CCDC73: variants seen among roughly 807,000 people sequenced by gnomAD.
The protein encoded by CCDC73 is coiled-coil domain containing 73, also known as coiled-coil domain-containing protein 73.
CCDC73 carries 95 observed loss-of-function variants against 116.5 expected under a neutral mutation model. The ratio of observed to expected loss-of-function variants is 0.82; its 90% CI spans 0.69 to 0.97. The LOEUF (loss-of-function observed/expected upper bound fraction) is 0.97, where lower values mean the gene tolerates loss of function less well. Among genes scored for constraint, CCDC73 ranks in the 50% least tolerant of loss-of-function variants. The probability of loss-of-function intolerance (pLI) is 0.00; values close to 1 mark genes in which losing one functional copy is unlikely to be tolerated. For synonymous variants in CCDC73, 398 were observed against 401.3 expected, an observed-to-expected ratio of 0.99 and a Z score of 0.10; for missense variants, 1,066 against 1,206.8, an observed-to-expected ratio of 0.88 and a Z score of 1.73.
At chr11:32,774,333 C>T (rs1338663290) in intron 1 of CCDC73, among the ~76,000 whole-genome samples, 1 of 152,142 alleles carries the variant, frequency 6.6e-6, no homozygotes, top group Non-Finnish European at 1.5e-5. Flanking sequence ...AGTCACAATG[C>T]TCCTCTATTT....
the CCDC73 span, among the ~76,000 whole-genome samples, chr11:32,821,952 G>A: frequency 3.0e-4 from 46 of 152,262 alleles, no homozygotes; most frequent in East Asian, 1.2e-3. Context: ...GATGGGCAAC[G>A]GCAGTCATCA....
intron 2 of CCDC73, among the ~76,000 whole-genome samples, chr11:32,743,578 T>C (rs1850208576): frequency 6.6e-6 from 1 of 152,242 alleles, no homozygotes; most frequent in Non-Finnish European, 1.5e-5. Context: ...CCTCTCTTAT[T>C]TCCTTGAACA....
chr11:32,710,902 A>T (rs1849895061), intron 3 of CCDC73, among the ~76,000 whole-genome samples: 1 of 152,258 alleles, frequency 6.6e-6, no homozygotes, highest in Non-Finnish European at 1.5e-5. Flanking sequence ...GATTCTGCAC[A>T]GCAAAAGAAA....
chr11:32,773,779 CA>C (rs11448530), intron 1 of CCDC73, among the ~76,000 whole-genome samples: 76 of 144,452 alleles, frequency 5.3e-4, no homozygotes, highest in East Asian at 1.4e-3. Context: ...GATGCTGTCT[CA>C]AAAAAAAAAA....
intron 2 of CCDC73, among the ~76,000 whole-genome samples, chr11:32,739,715 G>C (rs533276413): frequency 6.6e-6 from 1 of 151,712 alleles, no homozygotes; most frequent in Non-Finnish European, 1.5e-5. Context: ...TCTAGCTAGG[G>C]CTTCCAGTAT....
chr11:32,758,593 A>G, intron 2 of CCDC73: 1 of 421,600 alleles, frequency 2.4e-6, no homozygotes, highest in Admixed American at 2.4e-5. Context: ...TGAAGGCACA[A>G]GCACAGAGTT....
the CCDC73 span, among the ~76,000 whole-genome samples, chr11:32,806,110 T>A: frequency 1.9e-4 from 29 of 152,224 alleles, no homozygotes; most frequent in Admixed American, 1.9e-3. Flanking sequence ...AAGATAATAA[T>A]GGGTTTAACT....
rs1234344322 is a variant in CCDC73, at chr11:32,746,911, T to C, written c.135+13198A>G. 2.6e-5 allele frequency among the ~76,000 whole-genome samples: 4 copies of C among 152,326 alleles called. No homozygotes were observed. In the East Asian group the frequency reaches 5.8e-4, roughly 22 times the overall value. Reference sequence around the variant, plus strand: ...GAGAAGTTTGTTATTACTGGCCTTCTGAAGCCTACTTCTGTCGACTTGTCA... The same window carrying C: ...GAGAAGTTTGTTATTACTGGCCTTCCGAAGCCTACTTCTGTCGACTTGTCA... On this transcript the variant is annotated intron_variant, in intron 2 of 17. Transcript: ENST00000335185.
chr11:32,708,906 T>C (rs1238572134), intron 3 of CCDC73, among the ~76,000 whole-genome samples: 1 of 130,586 alleles, frequency 7.7e-6, no homozygotes, highest in East Asian at 2.3e-4. Flanking sequence ...CCTTTCTTTC[T>C]TTTGTCTGAT....
chr11:32,654,956 G>A lies in CCDC73; in HGVS notation c.662C>T (p.Ala221Val). ...GACTTTGGACTTTATCAAGTCTGAGGCTGCTTTTTTTAGTTCCTTAATAAG... is the reference window on the plus strand; with the variant it reads ...GACTTTGGACTTTATCAAGTCTGAGACTGCTTTTTTTAGTTCCTTAATAAG... The part of the protein sequence containing the change: ...CSLKKELKKA[A>V]SDLIKSKVTC... The change falls in exon 10 of 18, where the codon GCC (alanine) becomes GTC (valine). Residue 221 changes from alanine (A) to valine (V), a missense_variant. Coordinates refer to ENST00000335185, the MANE Select transcript of CCDC73 (RefSeq NM_001008391.4). 2 of 1,591,678 alleles carry A rather than the reference G, an allele frequency of 1.3e-6. No homozygotes were observed. Among genetic ancestry groups the A allele is most frequent in the Non-Finnish European group, 1.7e-6 (2 of 1,174,332 alleles).
chr11:32,615,014 C>T (rs2133221948), intron 15 of CCDC73, 72 bp from the exon 16 acceptor site: 2 of 841,226 alleles, frequency 2.4e-6, no homozygotes, highest in Non-Finnish European at 3.6e-6. Context: ...ATATTTATCA[C>T]CTATTTTTAT....
intron 6 of CCDC73, among the ~76,000 whole-genome samples, chr11:32,689,180 T>G (rs1246800990): frequency 1.3e-5 from 2 of 152,102 alleles, no homozygotes; most frequent in African/African-American, 4.8e-5. Flanking sequence ...AAACCTAAAC[T>G]TGGAGTACAA....
chr11:32,797,542 T>C (rs1005432938), upstream of CCDC73, among the ~76,000 whole-genome samples: 1 of 152,204 alleles, frequency 6.6e-6, no homozygotes, highest in African/African-American at 2.4e-5. Flanking sequence ...CCCATCTAAG[T>C]AGAACTAATC....
At position 32,739,879 on chromosome 11, in the gene CCDC73, GTTT is replaced by G. The variant is rs1247534602; in HGVS notation, c.135+20227_135+20229del. ...CTCCTTTTATATCCAGTTTTTGAGGGTTTTTAATTATGAAGGGACGTTGAATTT... is the reference window on the plus strand; with the variant it reads ...CTCCTTTTATATCCAGTTTTTGAGGGTTAATTATGAAGGGACGTTGAATTT... On this transcript the variant is annotated intron_variant, in intron 2 of 17. Transcript: ENST00000335185. Among the ~76,000 whole-genome samples the G allele has an allele frequency of 2.6e-5, 4 of 151,122 alleles. 1 individual carries two copies. Among genetic ancestry groups the G allele is most frequent in the African/African-American group, 4.9e-5 (2 of 40,594 alleles).
chr11:32,822,569 G>A, the CCDC73 span, among the ~76,000 whole-genome samples: 2 of 152,258 alleles, frequency 1.3e-5, no homozygotes, highest in African/African-American at 2.4e-5. Flanking sequence ...GCATCTGCCA[G>A]GTCCTAAGGA....
chr11:32,628,455 A>G (rs1355050137), intron 14 of CCDC73, among the ~76,000 whole-genome samples: 8 of 152,200 alleles, frequency 5.3e-5, no homozygotes, highest in Non-Finnish European at 7.3e-5. Flanking sequence ...GTGAGTAGTA[A>G]AAGTCCATGA....
intron 1 of CCDC73, chr11:32,794,266 T>C (rs990485525): frequency 3.3e-5 from 5 of 152,060 alleles, no homozygotes; most frequent in Non-Finnish European, 4.4e-5. Flanking sequence ...AATATGAGGT[T>C]TAAAACAAAA....
intron 9 of CCDC73, among the ~76,000 whole-genome samples, chr11:32,673,787 C>T (rs962789922): frequency 6.6e-6 from 1 of 152,056 alleles, no homozygotes; most frequent in South Asian, 2.1e-4. Context: ...CAAAGGTGCA[C>T]GAAGGATATA....
At chr11:32,645,659 A>G (rs1398825959) in intron 12 of CCDC73, among the ~76,000 whole-genome samples, 1 of 152,186 alleles carries the variant, frequency 6.6e-6, no homozygotes, top group Non-Finnish European at 1.5e-5. Flanking sequence ...ATAAATACAT[A>G]AACTGGTAAC....
Sources: allele counts gnomAD v4.1 joint callset (sites outside exome capture counted in the v4.1 genomes callset), GRCh38; gene constraint gnomAD v4.1.1; transcripts MANE v1.5; gene names NCBI Gene and HGNC (gene_info 2026-07-23, HGNC 2026-07-21).